GLI3: variants seen among roughly 807,000 people sequenced by gnomAD.
GLI3 encodes the protein GLI family zinc finger 3, also known as transcription activator GLI3.
GLI3 carries 20 observed loss-of-function variants against 100.8 expected under a neutral mutation model. The ratio of observed to expected loss-of-function variants is 0.20; its 90% CI spans 0.14 to 0.29. The LOEUF is 0.29. GLI3 is among the 10% of genes least tolerant of loss of function. The pLI is 1.00. For synonymous variants in GLI3, 938 were observed against 860.5 expected, an observed-to-expected ratio of 1.09 and a Z score of -1.58; for missense variants, 2,040 against 2,128.5, an observed-to-expected ratio of 0.96 and a Z score of 0.82.
In GLI3 at chr7:42,236,715, G is replaced by C. The variant is rs1435235626; in HGVS notation, c.-43+256C>G. 2.0e-5 allele frequency among the ~76,000 whole-genome samples: 3 copies of C among 152,246 alleles called. No individual in the cohort carries two copies. The East Asian group carries it at 5.8e-4, about 29-fold the overall frequency. On this transcript the variant is annotated intron_variant, in intron 1 of 14. Coordinates refer to ENST00000395925, the MANE Select transcript of GLI3 (RefSeq NM_000168.6). ...GGCAAACTTCGTCCCCCCTCCGGGA[G>C]GTGAAATTCTCCAATCCGTCTCCGG...
intron 3 of GLI3, among the ~76,000 whole-genome samples, chr7:42,132,673 T>C (rs1416178050): frequency 6.6e-6 from 1 of 152,264 alleles, no homozygotes; most frequent in African/African-American, 2.4e-5. Flanking sequence ...GGAAGAATTC[T>C]AGTAACATCT....
chr7:42,017,419 T>C (rs1788797754), intron 10 of GLI3, among the ~76,000 whole-genome samples: 2 of 152,080 alleles, frequency 1.3e-5, no homozygotes, highest in African/African-American at 4.8e-5. Context: ...AAGTAACTAA[T>C]ACATGGCCGC....
intron 2 of GLI3, among the ~76,000 whole-genome samples, chr7:42,204,069 A>T (rs1199893727): frequency 1.3e-5 from 2 of 151,856 alleles, no homozygotes; most frequent in African/African-American, 2.4e-5. Flanking sequence ...TTTTCCCACT[A>T]GGGCCGAAGG....
intron 4 of GLI3, among the ~76,000 whole-genome samples, chr7:42,069,748 T>C (rs1385551300): frequency 1.3e-5 from 2 of 152,212 alleles, no homozygotes; most frequent in Non-Finnish European, 2.9e-5. Flanking sequence ...ATATTCTCTG[T>C]CACAGTTACT....
At position 42,148,215 on chromosome 7, in the gene GLI3, T is replaced by C. The variant is rs1207260950; in HGVS notation, c.367+11A>G. The C allele has an allele frequency of 6.2e-7, 1 of 1,601,108 alleles. No homozygotes were observed. The highest frequency in any genetic ancestry group is 8.5e-7 in the Non-Finnish European group (1 of 1,172,838). On this transcript the variant is annotated intron_variant, in intron 3 of 14. Coordinates refer to ENST00000395925, the MANE Select transcript of GLI3 (RefSeq NM_000168.6). ...GCTCCTGAACAAGTGCCGACTGGCATGGGCACTTACGGTAGTGGGGCTCCA... is the reference window on the plus strand; with the variant it reads ...GCTCCTGAACAAGTGCCGACTGGCACGGGCACTTACGGTAGTGGGGCTCCA...
At chr7:42,112,504 T>C (rs1009706491) in intron 3 of GLI3, among the ~76,000 whole-genome samples, 7 of 152,178 alleles carry the variant, frequency 4.6e-5, no homozygotes, top group Admixed American at 4.6e-4. Context: ...AAAGAAATGA[T>C]AAATACTTGA....
chr7:42,157,738 CT>C (rs150814262), intron 2 of GLI3, among the ~76,000 whole-genome samples: 2,418 of 152,114 alleles, frequency 0.016, 71 homozygotes, highest in African/African-American at 0.056. Flanking sequence ...TATGTATGAC[CT>C]TTACTATAAT....
intron 3 of GLI3, among the ~76,000 whole-genome samples, chr7:42,117,521 T>A (rs1413606383): frequency 1.3e-5 from 2 of 152,204 alleles, no homozygotes; most frequent in African/African-American, 4.8e-5. Flanking sequence ...GCATTCCTAA[T>A]GGGGAAGCTT....
chr7:42,134,334 T>C (rs1786374114), intron 3 of GLI3, among the ~76,000 whole-genome samples: 1 of 152,274 alleles, frequency 6.6e-6, no homozygotes, highest in East Asian at 1.9e-4. Context: ...GAGAAACATC[T>C]AGCGTTAACG....
chr7:42,043,179 G>A (rs773390162), intron 6 of GLI3, among the ~76,000 whole-genome samples: 14 of 152,070 alleles, frequency 9.2e-5, no homozygotes, highest in African/African-American at 1.7e-4. Flanking sequence ...TTAATGTTTC[G>A]CTTCTTTGTT....
At chr7:42,219,830 C>T (rs1385117119) in intron 2 of GLI3, among the ~76,000 whole-genome samples, 2 of 149,846 alleles carry the variant, frequency 1.3e-5, no homozygotes, top group East Asian at 3.9e-4. Flanking sequence ...GTATCACATT[C>T]ATTTGGTTTT....
intron 12 of GLI3, among the ~76,000 whole-genome samples, chr7:41,973,812 C>A (rs1229594664): frequency 6.6e-6 from 1 of 152,170 alleles, no homozygotes; most frequent in Non-Finnish European, 1.5e-5. Context: ...AAGCAAAGAT[C>A]CTGAAACTGA....
intron 2 of GLI3, among the ~76,000 whole-genome samples, chr7:42,161,763 G>A (rs1205839424): frequency 6.6e-6 from 1 of 152,224 alleles, no homozygotes. Flanking sequence ...GATGAAAGAG[G>A]CATATCCAAG....
At chr7:42,016,749 C>A (rs540137786) in intron 10 of GLI3, among the ~76,000 whole-genome samples, 2 of 152,256 alleles carry the variant, frequency 1.3e-5, no homozygotes, top group Admixed American at 1.3e-4. Flanking sequence ...TTTCATCAGG[C>A]CTCAAAAGTT....
intron 10 of GLI3, among the ~76,000 whole-genome samples, chr7:41,988,490 G>T: frequency 1.0e-5 from 1 of 98,526 alleles, no homozygotes. Context: ...GGGGGGTGGG[G>T]CCTTAAGGAG....
At chr7:42,087,026 A>T (rs1329462340) in intron 3 of GLI3, among the ~76,000 whole-genome samples, 1 of 152,066 alleles carries the variant, frequency 6.6e-6, no homozygotes, top group East Asian at 1.9e-4. Flanking sequence ...CCCTCCCAGG[A>T]GGTCTGGGGT....
intron 6 of GLI3, among the ~76,000 whole-genome samples, chr7:42,043,202 C>A (rs1784179024): frequency 6.6e-6 from 1 of 152,162 alleles, no homozygotes; most frequent in African/African-American, 2.4e-5. Context: ...AAAAAATCTC[C>A]TATGGTGGAA....
chr7:41,981,349 G>A (rs1222294444), intron 10 of GLI3, among the ~76,000 whole-genome samples: 8 of 152,178 alleles, frequency 5.3e-5, no homozygotes, highest in African/African-American at 1.4e-4. Context: ...CTCCAGCAGT[G>A]AGGATGTGGG....
intron 3 of GLI3, among the ~76,000 whole-genome samples, chr7:42,117,816 A>G (rs1410550055): frequency 6.6e-6 from 1 of 152,146 alleles, no homozygotes; most frequent in Admixed American, 6.5e-5. Context: ...TTTAAATGCC[A>G]TTTTGAAAGA....
Sources: gnomAD v4.1 joint callset for allele counts (sites outside exome capture counted in the v4.1 genomes callset) on GRCh38, gnomAD v4.1.1 for gene constraint, MANE v1.5 for transcripts, NCBI Gene and HGNC (gene_info 2026-07-23, HGNC 2026-07-21) for gene names.